The following DSCAM variants were observed in gnomAD, a reference collection of about 807,000 sequenced individuals.
DSCAM encodes DS cell adhesion molecule.
DSCAM carries 47 observed loss-of-function variants against 217.7 expected under a neutral mutation model. The ratio of observed to expected loss-of-function variants is 0.22; its 90% confidence interval spans 0.17 to 0.28. The LOEUF (loss-of-function observed/expected upper bound fraction) is 0.28, where lower values mean the gene tolerates loss of function less well. Ranked by LOEUF, DSCAM falls within the 10% of genes least tolerant of loss-of-function variation. The probability of loss-of-function intolerance (pLI) is 1.00; values close to 1 mark genes in which losing one functional copy is unlikely to be tolerated. For missense variants in DSCAM, 2,080 were observed against 2,618.3 expected (o/e 0.79, Z 4.49); for synonymous variants, 1,056 against 1,015.3 (o/e 1.04, Z -0.76).
rs529522082 is a variant in DSCAM at position 40,263,145 on chromosome 21, G to A, written c.2356+12952C>T. ...AAAATGGAGACAACTGTGCCTCTTC[G>A]TTAAGGAATCTACCAGAAAACTAAA... On this transcript the variant is annotated intron_variant, in intron 11 of 32. Coordinates refer to ENST00000400454, the MANE Select transcript of DSCAM (RefSeq NM_001389.5). Among the ~76,000 whole-genome samples, 8 of 152,116 alleles carry A rather than the reference G, an allele frequency of 5.3e-5. No homozygotes were observed. In the South Asian group the frequency reaches 1.0e-3, roughly 20 times the overall value.
intron 1 of DSCAM, among the ~76,000 whole-genome samples, chr21:40,778,816 G>C (rs2091512856): frequency 6.6e-6 from 1 of 151,890 alleles, no homozygotes; most frequent in Non-Finnish European, 1.5e-5. Flanking sequence ...TCTGAGGTCG[G>C]GGGTTTGAGA....
At chr21:40,652,177 AG>A (rs74722501) in intron 3 of DSCAM, among the ~76,000 whole-genome samples, 73,328 of 148,898 alleles carry the variant, frequency 0.49, 18,704 homozygotes, top group African/African-American at 0.62. Flanking sequence ...AGGGAAGGAG[AG>A]GATCAGGAAG....
At chr21:40,650,733 A>G (rs2090003172) in intron 3 of DSCAM, among the ~76,000 whole-genome samples, 1 of 152,156 alleles carries the variant, frequency 6.6e-6, no homozygotes, top group Non-Finnish European at 1.5e-5. Flanking sequence ...GGCCAATATG[A>G]TGAAACCCCA....
At chr21:40,132,320 C>G (rs1019800624) in intron 19 of DSCAM, among the ~76,000 whole-genome samples, 3 of 152,100 alleles carry the variant, frequency 2.0e-5, no homozygotes, top group Non-Finnish European at 4.4e-5. Flanking sequence ...GGTAAGGTGC[C>G]CAAAGACCCA....
At chr21:40,085,196 AT>A (rs1298698899) in intron 23 of DSCAM, among the ~76,000 whole-genome samples, 1 of 152,250 alleles carries the variant, frequency 6.6e-6, no homozygotes, top group Non-Finnish European at 1.5e-5. Flanking sequence ...TACATTGCAT[AT>A]AAAAATTGAG....
chr21:40,597,425 G>T (rs2077029112), intron 3 of DSCAM, among the ~76,000 whole-genome samples: 1 of 147,358 alleles, frequency 6.8e-6, no homozygotes, highest in Non-Finnish European at 1.5e-5. Context: ...AGGATAAAAA[G>T]GTTCATGGTT....
chr21:40,498,431 A>T (rs1176871697), intron 3 of DSCAM, among the ~76,000 whole-genome samples: 4 of 151,756 alleles, frequency 2.6e-5, no homozygotes, highest in Admixed American at 1.3e-4. Context: ...TCTGCTGTAG[A>T]TGGGTGTTTT....
chr21:40,650,242 A>G (rs1260862092), intron 3 of DSCAM, among the ~76,000 whole-genome samples: 1 of 152,192 alleles, frequency 6.6e-6, no homozygotes, highest in Non-Finnish European at 1.5e-5. Flanking sequence ...CCTATCTGTC[A>G]CATTTTGCAT....
At chr21:40,663,962 TAAATA>T (rs1369300993) in intron 3 of DSCAM, among the ~76,000 whole-genome samples, 2 of 152,304 alleles carry the variant, frequency 1.3e-5, no homozygotes, top group Admixed American at 1.3e-4. Flanking sequence ...AGATGCAAAA[TAAATA>T]AAATTCAATA....
intron 3 of DSCAM, among the ~76,000 whole-genome samples, chr21:40,637,204 TAA>T (rs1354474588): frequency 1.0e-4 from 1 of 9,768 alleles, no homozygotes; most frequent in Non-Finnish European, 1.4e-4. Flanking sequence ...AATATATATA[TAA>T]ATATATATAA....
chr21:40,194,035 A>C (rs1460636130), intron 11 of DSCAM, among the ~76,000 whole-genome samples: 3 of 152,158 alleles, frequency 2.0e-5, no homozygotes, highest in East Asian at 1.9e-4. Flanking sequence ...TTCCTTTTTT[A>C]AAAAAATAAT....
chr21:40,231,538 T>C (rs916451094), intron 11 of DSCAM, among the ~76,000 whole-genome samples: 1 of 151,998 alleles, frequency 6.6e-6, no homozygotes, highest in Non-Finnish European at 1.5e-5. Context: ...TGTCTTGCTT[T>C]GTTGCTCAGG....
At chr21:40,784,357 G>T (rs1020371391) in intron 1 of DSCAM, among the ~76,000 whole-genome samples, 1 of 152,084 alleles carries the variant, frequency 6.6e-6, no homozygotes, top group Admixed American at 6.6e-5. Flanking sequence ...GCCGTGTAAG[G>T]CGTGCCTTTC....
intron 1 of DSCAM, among the ~76,000 whole-genome samples, chr21:40,810,306 G>A (rs773064442): frequency 6.6e-6 from 1 of 152,140 alleles, no homozygotes; most frequent in Non-Finnish European, 1.5e-5. Flanking sequence ...AATCTTCAGG[G>A]GGAAGAAAAT....
At chr21:40,174,145 C>T (rs1189511552) in intron 15 of DSCAM, among the ~76,000 whole-genome samples, 1 of 152,176 alleles carries the variant, frequency 6.6e-6, no homozygotes. Context: ...CACTTATTCT[C>T]TTGACTGCTC....
At chr21:40,713,604 A>C (rs1344551196) in intron 1 of DSCAM, among the ~76,000 whole-genome samples, 2 of 152,192 alleles carry the variant, frequency 1.3e-5, no homozygotes, top group African/African-American at 4.8e-5. Flanking sequence ...AAGTGTAATG[A>C]GATTCCTGGC....
intron 11 of DSCAM, among the ~76,000 whole-genome samples, chr21:40,259,734 C>T (rs545992544): frequency 2.5e-5 from 3 of 119,130 alleles, no homozygotes; most frequent in South Asian, 6.0e-4. Context: ...AGTGCAGTGG[C>T]GAAGTCTCGG....
intron 3 of DSCAM, among the ~76,000 whole-genome samples, chr21:40,370,804 T>C (rs185169964): frequency 1.3e-5 from 2 of 152,076 alleles, no homozygotes; most frequent in South Asian, 2.1e-4. Context: ...TATTTTTTTA[T>C]AGAGACGAGA....
At chr21:40,092,838 T>G (rs1211954759) in intron 21 of DSCAM, among the ~76,000 whole-genome samples, 4 of 152,170 alleles carry the variant, frequency 2.6e-5, no homozygotes, top group African/African-American at 9.7e-5. Flanking sequence ...ACTTATTTTC[T>G]ATCTGTATTT....
Sources: gnomAD v4.1 joint callset for allele counts (sites outside exome capture counted in the v4.1 genomes callset) on GRCh38, gnomAD v4.1.1 for gene constraint, MANE v1.5 for transcripts, NCBI Gene and HGNC (gene_info 2026-07-23, HGNC 2026-07-21) for gene names.